The following CNTN1 variants were observed in gnomAD, a reference collection of about 807,000 sequenced individuals.
CNTN1 encodes the protein contactin 1.
Under a neutral mutation model 126.4 loss-of-function variants are expected in CNTN1, and 38 were observed. That is an observed-to-expected ratio of 0.30 (90% confidence interval 0.23 to 0.39). CNTN1 has a LOEUF of 0.39. Ranked by LOEUF, CNTN1 falls within the 10% of genes least tolerant of loss-of-function variation. The pLI, the probability that CNTN1 is intolerant of heterozygous loss-of-function variation, is 1.00. For synonymous variants in CNTN1, 413 were observed against 422.6 expected, an observed-to-expected ratio of 0.98 and a Z score of 0.28; for missense variants, 1,009 against 1,248.4, an observed-to-expected ratio of 0.81 and a Z score of 2.89.
In CNTN1 at chr12:40,834,980, A is replaced by G. The variant is rs1288801280; in HGVS notation, c.-76-73377A>G. On this transcript the variant is annotated intron_variant, in intron 1 of 23. Transcript: ENST00000551295. ...CCTGGCTTGGTTAATGTATGAGGCT[A>G]CGGGGACCTGGCTGGAAAATAATAC... Among the ~76,000 whole-genome samples the G allele has an allele frequency of 2.6e-5, 4 of 152,338 alleles. No homozygotes were observed. The East Asian group carries it at 5.8e-4, about 22-fold the overall frequency.
rs1329017266 is a variant in CNTN1 at position 41,070,355 on chromosome 12, G to A, written c.*320G>A. 2.0e-5 allele frequency: 8 copies of A among 392,630 alleles called. No individual in the cohort carries two copies. Among genetic ancestry groups the A allele is most frequent in the Admixed American group, 3.9e-5 (1 of 25,796 alleles). 24.3% of individuals were successfully genotyped at this position (392,630 alleles called of 1,614,324 possible). On this transcript the variant is annotated 3_prime_UTR_variant, in exon 24 of 24. Transcript: ENST00000551295. ...TTACAGTGTTCAATTCAATACTATA[G>A]GCTGTAGAGTGAAAGTCAAATCACC...
intron 23 of CNTN1, among the ~76,000 whole-genome samples, chr12:41,062,188 T>C (rs1209396178): frequency 3.9e-5 from 6 of 152,208 alleles, no homozygotes; most frequent in Non-Finnish European, 7.4e-5. Flanking sequence ...ATGAAGTTAA[T>C]GCTTATAATA....
intron 1 of CNTN1, among the ~76,000 whole-genome samples, chr12:40,806,447 A>G (rs765697504): frequency 6.6e-6 from 1 of 152,068 alleles, no homozygotes; most frequent in Non-Finnish European, 1.5e-5. Flanking sequence ...CCCACCCGCT[A>G]ATGTCATAAA....
At chr12:40,973,849 C>A (rs1421387239) in intron 15 of CNTN1, among the ~76,000 whole-genome samples, 1 of 152,108 alleles carries the variant, frequency 6.6e-6, no homozygotes, top group South Asian at 2.1e-4. Flanking sequence ...ACTTTACATC[C>A]TGTTTATAAA....
intron 1 of CNTN1, among the ~76,000 whole-genome samples, chr12:40,892,778 T>G (rs1944284816): frequency 6.6e-6 from 1 of 152,050 alleles, no homozygotes; most frequent in African/African-American, 2.4e-5. Flanking sequence ...TTTGCTAACA[T>G]CTCATTATAC....
At chr12:41,061,528 T>C (rs939270742) in intron 23 of CNTN1, among the ~76,000 whole-genome samples, 1 of 152,178 alleles carries the variant, frequency 6.6e-6, no homozygotes, top group African/African-American at 2.4e-5. Flanking sequence ...CTTCACTGGA[T>C]GGAAAAACCC....
chr12:41,011,951 A>G (rs554510060), intron 17 of CNTN1, among the ~76,000 whole-genome samples: 1 of 152,332 alleles, frequency 6.6e-6, no homozygotes, highest in South Asian at 2.1e-4. Flanking sequence ...TAAGACTAAA[A>G]TTTGGTTTTG....
chr12:40,742,652 T>A (rs1015510613), intron 1 of CNTN1, among the ~76,000 whole-genome samples: 1 of 151,914 alleles, frequency 6.6e-6, no homozygotes, highest in African/African-American at 2.4e-5. Context: ...CAATCTTCCC[T>A]AATTTCTATA....
chr12:40,705,580 T>C (rs574718766), intron 1 of CNTN1, among the ~76,000 whole-genome samples: 1 of 152,192 alleles, frequency 6.6e-6, no homozygotes, highest in African/African-American at 2.4e-5. Context: ...GTGCACATTG[T>C]GCAGGTTAGT....
chr12:40,839,924 AAAAAG>A (rs1414169886), intron 1 of CNTN1, among the ~76,000 whole-genome samples: 1 of 152,176 alleles, frequency 6.6e-6, no homozygotes, highest in Non-Finnish European at 1.5e-5. Flanking sequence ...TCAATAAGAG[AAAAAG>A]AAAAGGACAA....
At chr12:40,795,507 A>G (rs895695957) in intron 1 of CNTN1, among the ~76,000 whole-genome samples, 3 of 151,688 alleles carry the variant, frequency 2.0e-5, no homozygotes, top group South Asian at 4.2e-4. Flanking sequence ...AAATAGATGT[A>G]TTTAGAATAT....
chr12:40,738,654 T>C (rs1354718622), intron 1 of CNTN1, among the ~76,000 whole-genome samples: 1 of 151,998 alleles, frequency 6.6e-6, no homozygotes, highest in Non-Finnish European at 1.5e-5. Context: ...AATGACCCGT[T>C]AATAAAGGGT....
Position 40,924,598 on chromosome 12 carries a change from G to A in CNTN1, c.442G>A (p.Val148Ile), listed in dbSNP as rs372959410. ...ACCTGAGGAACGTCCTGAGGTCAGA[G>A]TAAAAGAAGGGAAAGGAATGGTGCT... ...FPPEERPEVR[V>I]KEGKGMVLLC... Residue 148 changes from valine (V) to isoleucine (I), a missense_variant, in exon 6 of 24, where the codon GTA becomes ATA. Transcript: ENST00000551295. 15 of 1,608,778 alleles carry A rather than the reference G, an allele frequency of 9.3e-6. No individual in the cohort carries two copies. The highest frequency in any genetic ancestry group is 3.3e-5 in the South Asian group (3 of 90,968).
At chr12:40,760,108 G>T (rs1404472016) in intron 1 of CNTN1, among the ~76,000 whole-genome samples, 1 of 152,050 alleles carries the variant, frequency 6.6e-6, no homozygotes, top group Non-Finnish European at 1.5e-5. Context: ...CTTAATCTGG[G>T]TGCCAGGGGA....
intron 23 of CNTN1, 118 bp from the exon 24 acceptor site, chr12:41,069,841 T>C: frequency 3.8e-6 from 3 of 786,648 alleles, no homozygotes. Context: ...TTCTGTTTTG[T>C]GAAAGGACCC....
intron 1 of CNTN1, among the ~76,000 whole-genome samples, chr12:40,902,482 G>T (rs1035276650): frequency 6.6e-6 from 1 of 152,052 alleles, no homozygotes; most frequent in African/African-American, 2.4e-5. Flanking sequence ...TCAAATTTTA[G>T]GTTAAATATT....
intron 1 of CNTN1, among the ~76,000 whole-genome samples, chr12:40,805,674 T>C (rs1940826246): frequency 6.6e-6 from 1 of 152,066 alleles, no homozygotes; most frequent in Admixed American, 6.6e-5. Context: ...TTTGGTTTAG[T>C]TGGTTACTTT....
intron 1 of CNTN1, among the ~76,000 whole-genome samples, chr12:40,892,963 G>C (rs1944294412): frequency 7.1e-6 from 1 of 141,476 alleles, no homozygotes; most frequent in Non-Finnish European, 1.5e-5. Flanking sequence ...ACTGGGGGGG[G>C]TGAATAAACA....
At chr12:40,932,392 A>G (rs901152970) in intron 7 of CNTN1, among the ~76,000 whole-genome samples, 1 of 113,864 alleles carries the variant, frequency 8.8e-6, no homozygotes, top group African/African-American at 3.5e-5. Context: ...CACCATGATT[A>G]TGAGGCCTAC....
Sources: gnomAD v4.1 joint callset for allele counts (sites outside exome capture counted in the v4.1 genomes callset) on GRCh38, gnomAD v4.1.1 for gene constraint, MANE v1.5 for transcripts, NCBI Gene and HGNC (gene_info 2026-07-23, HGNC 2026-07-21) for gene names.